The following CPNE5 variants were observed in gnomAD, a reference collection of about 807,000 sequenced individuals.
The protein encoded by CPNE5 is copine-5.
CPNE5 carries 42 observed loss-of-function variants against 81.1 expected under a neutral mutation model. The ratio of observed to expected loss-of-function variants is 0.52; its 90% CI spans 0.40 to 0.67. The LOEUF is 0.67. Ranked by LOEUF, CPNE5 falls within the 30% of genes least tolerant of loss-of-function variation. The probability of loss-of-function intolerance (pLI) is 0.00; values close to 1 mark genes in which losing one functional copy is unlikely to be tolerated. For synonymous variants in CPNE5, 313 were observed against 321.5 expected (o/e 0.97, Z 0.28); for missense variants, 612 against 815.5 (o/e 0.75, Z 3.04).
chr6:36,808,482 C>G (rs1269183764), intron 3 of CPNE5, among the ~76,000 whole-genome samples: 1 of 152,136 alleles, frequency 6.6e-6, no homozygotes, highest in Non-Finnish European at 1.5e-5. Flanking sequence ...AAGGACATCT[C>G]CCGGCACGTG....
intron 10 of CPNE5, among the ~76,000 whole-genome samples, chr6:36,769,712 C>T (rs752123208): frequency 1.3e-4 from 20 of 152,276 alleles, no homozygotes; most frequent in Non-Finnish European, 2.8e-4. Context: ...CGGGCAGTGC[C>T]GCGGTGACCG....
chr6:36,796,048 A>G (rs940302355), intron 6 of CPNE5, among the ~76,000 whole-genome samples: 1 of 152,244 alleles, frequency 6.6e-6, no homozygotes, highest in East Asian at 1.9e-4. Flanking sequence ...TCCTGGGTTC[A>G]AGCGATTCTC....
chr6:36,836,326 T>A (rs1352447746), intron 1 of CPNE5, among the ~76,000 whole-genome samples: 4 of 152,120 alleles, frequency 2.6e-5, no homozygotes, highest in Non-Finnish European at 5.9e-5. Context: ...AGCCCTAGGA[T>A]GGGCACAGCA....
At chr6:36,796,899 C>T (rs916318055) in intron 6 of CPNE5, among the ~76,000 whole-genome samples, 1 of 152,052 alleles carries the variant, frequency 6.6e-6, no homozygotes, top group African/African-American at 2.4e-5. Flanking sequence ...CACACACACA[C>T]ATTGCAGTTA....
Position 36,839,185 on chromosome 6 carries a change from G to T in CPNE5, c.95+98C>A. On this transcript the variant is annotated intron_variant, in intron 1 of 20. Transcript: ENST00000244751. The surrounding 1 kb of genome is among the most constrained non-coding windows in gnomAD (Gnocchi z 7.3). ...CAGTCCTGGAGACCAGGACACTCTG[G>T]GAAGGGGGCGCGCGGAGGTTTAGGA... The T allele has an allele frequency of 1.1e-6, 1 of 878,552 alleles. No individual in the cohort carries two copies. Among genetic ancestry groups the T allele is most frequent in the Non-Finnish European group, 1.7e-6 (1 of 585,980 alleles). The allele number at this position is 878,552 out of a possible 1,614,324, so 54.4% of individuals were successfully genotyped here. A position where few individuals can be genotyped will look rare whatever the true frequency, so the allele number is the denominator to read the frequency against.
intron 4 of CPNE5, among the ~76,000 whole-genome samples, chr6:36,799,572 G>A (rs1370748362): frequency 6.6e-6 from 1 of 152,148 alleles, no homozygotes; most frequent in African/African-American, 2.4e-5. Context: ...GGAGGCTGCA[G>A]GGACCCTCTC....
chr6:36,742,473 C>T lies in CPNE5; in HGVS notation c.1577G>A (p.Arg526Gln), dbSNP rs1195270756. 6 of 1,612,006 alleles carry T rather than the reference C, an allele frequency of 3.7e-6. No individual in the cohort carries two copies. Among genetic ancestry groups the T allele is most frequent in the South Asian group, 1.1e-5 (1 of 91,080 alleles). The change falls in exon 21 of 21, where the codon CGG becomes CAG. Residue 526 changes from arginine (R) to glutamine (Q), a missense_variant. Arg to Gln is a conservative substitution (Grantham distance 43, BLOSUM62 1). Transcript: ENST00000244751. Reference protein sequence around the residue: ...ERDIVQFVPFRDYVDRTGNHV... With the variant: ...ERDIVQFVPFQDYVDRTGNHV... ...GTTGCCTGTGCGGTCCACGTAGTCCCGGAAGGGTACAAACTGGCAAGTGGG... is the reference window on the plus strand; with the variant it reads ...GTTGCCTGTGCGGTCCACGTAGTCCTGGAAGGGTACAAACTGGCAAGTGGG...
intron 8 of CPNE5, among the ~76,000 whole-genome samples, chr6:36,787,067 A>G (rs926119448): frequency 6.6e-6 from 1 of 152,150 alleles, no homozygotes; most frequent in Non-Finnish European, 1.5e-5. Flanking sequence ...GGATGCTCAT[A>G]TCGGTCTCAG....
intron 11 of CPNE5, among the ~76,000 whole-genome samples, chr6:36,763,602 C>CAA (rs55880019): frequency 5.4e-4 from 67 of 123,106 alleles, no homozygotes; most frequent in South Asian, 5.3e-4. Context: ...GACTCTATCT[C>CAA]AAAAAAAAAA....
intron 5 of CPNE5, 98 bp downstream of exon 5, chr6:36,798,357 G>A (rs193104832): frequency 2.7e-5 from 40 of 1,502,028 alleles, no homozygotes; most frequent in East Asian, 1.4e-4. Flanking sequence ...AGGACGCAGC[G>A]TCGGACACAC....
chr6:36,742,200 C>CT lies in CPNE5; in HGVS notation c.*67dup, dbSNP rs1399178568. On this transcript the variant is annotated 3_prime_UTR_variant, in exon 21 of 21. Coordinates refer to ENST00000244751, the MANE Select transcript of CPNE5 (RefSeq NM_020939.2). ...GCCGGGCAGGCCAACTTCGGGGAGTCTGGGGCCCTGGCCTCCCATTCACCT... is the reference window on the plus strand; with the variant it reads ...GCCGGGCAGGCCAACTTCGGGGAGTCTTGGGGCCCTGGCCTCCCATTCACCT... 1 of 1,313,512 alleles carries CT rather than the reference C, an allele frequency of 7.6e-7. No homozygotes were observed. The highest frequency in any genetic ancestry group is 1.0e-6 in the Non-Finnish European group (1 of 954,388). 81.4% of individuals were successfully genotyped at this position (1,313,512 alleles called of 1,614,324 possible).
chr6:36,833,894 A>C (rs1262530495), intron 1 of CPNE5, among the ~76,000 whole-genome samples: 1 of 152,100 alleles, frequency 6.6e-6, no homozygotes, highest in Admixed American at 6.6e-5. Context: ...AGCAATTGAG[A>C]ACTAATATAA....
intron 12 of CPNE5, among the ~76,000 whole-genome samples, chr6:36,762,011 G>A (rs1562107780): frequency 6.6e-6 from 1 of 152,100 alleles, no homozygotes; most frequent in Admixed American, 6.5e-5. Flanking sequence ...CAGCACTTTG[G>A]GAGGCCAAGG....
intron 1 of CPNE5, chr6:36,827,502 C>T (rs1221199394): frequency 1.0e-6 from 1 of 985,428 alleles, no homozygotes. Context: ...CCAGAGATCC[C>T]CCTATTATGT....
chr6:36,792,392 T>C, intron 7 of CPNE5: 2 of 1,458,610 alleles, frequency 1.4e-6, no homozygotes, highest in Non-Finnish European at 1.8e-6. Flanking sequence ...GCATCCAGAC[T>C]CACCCGGAGG....
At chr6:36,810,478 C>T (rs574139770) in intron 3 of CPNE5, among the ~76,000 whole-genome samples, 1 of 152,224 alleles carries the variant, frequency 6.6e-6, no homozygotes, top group African/African-American at 2.4e-5. Context: ...CTACCTGACT[C>T]AAATAGAAAC....
intron 2 of CPNE5, 90 bp downstream of exon 2, chr6:36,822,968 A>T: frequency 9.3e-7 from 1 of 1,079,276 alleles, no homozygotes; most frequent in Non-Finnish European, 1.3e-6. Context: ...GCACATGGTT[A>T]GTGCTCAGTA....
chr6:36,839,256 AG>A lies in CPNE5; in HGVS notation c.95+26del. On this transcript the variant is annotated intron_variant, in intron 1 of 20. Coordinates refer to ENST00000244751, the MANE Select transcript of CPNE5 (RefSeq NM_020939.2). The surrounding 1 kb of genome is among the most constrained non-coding windows in gnomAD (Gnocchi z 7.3). The stretch of plus-strand genomic sequence containing the variant: ...GGGCTCTGCGTCCAGGGCCGGGGCA[AG>A]GGGACCCGGCCAGCGGGAGGCTCAC... The A allele has an allele frequency of 6.7e-7, 1 of 1,486,192 alleles. No individual in the cohort carries two copies. 92.1% of individuals were successfully genotyped at this position (1,486,192 alleles called of 1,614,324 possible). A position where few individuals can be genotyped will look rare whatever the true frequency, so the allele number is the denominator to read the frequency against.
At chr6:36,832,867 G>T (rs948448358) in intron 1 of CPNE5, among the ~76,000 whole-genome samples, 2 of 152,150 alleles carry the variant, frequency 1.3e-5, no homozygotes, top group Non-Finnish European at 2.9e-5. Context: ...TCTAAACAGG[G>T]TGAACTGTGA....
Sources: allele counts gnomAD v4.1 joint callset (sites outside exome capture counted in the v4.1 genomes callset), GRCh38; gene constraint gnomAD v4.1.1; non-coding constraint Gnocchi (gnomAD v3.1); transcripts MANE v1.5; gene names NCBI Gene and HGNC (gene_info 2026-07-23, HGNC 2026-07-21).